Variants in ZNF823 observed in about 807,000 individuals in gnomAD.
ZNF823 encodes the protein zinc finger protein 823, also known as ZFP 36 for a zinc finger protein.
Under a neutral mutation model 11.4 loss-of-function variants are expected in ZNF823, and 5 were observed. The observed-to-expected ratio is 0.44, with a 90% CI of 0.23 to 0.92. The LOEUF (loss-of-function observed/expected upper bound fraction) is 0.92, where lower values mean the gene tolerates loss of function less well. Ranked by LOEUF, ZNF823 falls within the 40% of genes least tolerant of loss-of-function variation. The probability of loss-of-function intolerance (pLI) is 0.24; values close to 1 mark genes in which losing one functional copy is unlikely to be tolerated. For missense variants in ZNF823, 582 were observed against 738.5 expected (o/e 0.79, Z 2.46); for synonymous variants, 234 against 250.5 (o/e 0.93, Z 0.62).
chr19:11,737,404 C>T (rs1157944698), intron 1 of ZNF823, among the ~76,000 whole-genome samples: 1 of 152,162 alleles, frequency 6.6e-6, no homozygotes, highest in African/African-American at 2.4e-5. Context: ...GCTGGGATTA[C>T]AGGCATGAGC....
chr19:11,721,736 T>A lies in ZNF823; in HGVS notation c.1798A>T (p.Arg600Ter), dbSNP rs771033426. 5.0e-6 allele frequency: 8 copies of A among 1,613,568 alleles called. No homozygotes were observed. Among genetic ancestry groups the A allele is most frequent in the Non-Finnish European group, 6.8e-6 (8 of 1,179,636 alleles). The change falls in exon 4 of 4, where the codon AGA becomes TGA. Residue 600 changes from arginine to a stop codon, truncating the protein, a stop_gained. Coordinates refer to ENST00000341191, the MANE Select transcript of ZNF823 (RefSeq NM_001080493.4). LOFTEE classifies it low-confidence loss of function (END_TRUNC). ...KALSSLRSLH[R>*]HKRTHWKDTL ...TCTTTCCAGTGAGTCCTTTTATGTC[T>A]ATGCAAGGAACGGAGAGAACTCAAT... is the stretch of plus-strand genomic sequence containing the variant.
rs764723908 is a variant in ZNF823, at chr19:11,723,227, A to G, written c.307T>C (p.Cys103Arg). Residue 103 changes from cysteine (C) to arginine (R), a missense_variant, in exon 4 of 4, where the codon TGT becomes CGT. Around this residue, in one of 3 missense-constraint regions of ZNF823, gnomAD observed 429 missense variants for 553.7 expected, o/e 0.77. Coordinates refer to ENST00000341191, the MANE Select transcript of ZNF823 (RefSeq NM_001080493.4). ...GAATGACCCAAGACGACTTCTCCAC[A>G]CTCACCACTGTCACATGGATTTACT... is the stretch of plus-strand genomic sequence containing the variant. The part of the protein sequence containing the change: ...PRVNPCDSGE[C>R]GEVVLGHSSL... 1 of 1,613,940 alleles carries G rather than the reference A, an allele frequency of 6.2e-7. No individual in the cohort carries two copies. Among genetic ancestry groups the G allele is most frequent in the Admixed American group, 1.7e-5 (1 of 60,006 alleles).
rs1568464563 is a variant in ZNF823, at chr19:11,721,611, C to T, written c.*90G>A. 7.8e-7 allele frequency: 1 copy of T among 1,287,406 alleles called. No individual in the cohort carries two copies. The highest frequency in any genetic ancestry group is 1.1e-6 in the Non-Finnish European group (1 of 937,810). The allele number at this position is 1,287,406 out of a possible 1,614,324, so 79.7% of individuals were successfully genotyped here. On this transcript the variant is annotated 3_prime_UTR_variant, in exon 4 of 4. Transcript: ENST00000341191. ...ATTGAAACTACTTAAGGCTTTATCC[C>T]ATGTTTACATTCATAGGGTCTATCT...
intron 1 of ZNF823, among the ~76,000 whole-genome samples, chr19:11,731,179 G>T (rs896469543): frequency 2.6e-5 from 4 of 151,926 alleles, no homozygotes; most frequent in Non-Finnish European, 4.4e-5. Flanking sequence ...AGGCGTGGTG[G>T]TGCATGCCTG....
intron 1 of ZNF823, among the ~76,000 whole-genome samples, chr19:11,735,714 CCCTTACATG>C (rs1269551641): frequency 6.6e-6 from 1 of 151,980 alleles, no homozygotes; most frequent in Non-Finnish European, 1.5e-5. Context: ...TACTCACTTA[CCCTTACATG>C]CCTTACATGG....
chr19:11,736,593 A>G (rs1303188527), intron 1 of ZNF823, among the ~76,000 whole-genome samples: 1 of 152,242 alleles, frequency 6.6e-6, no homozygotes, highest in Non-Finnish European at 1.5e-5. Flanking sequence ...CTGAAACCCA[A>G]CTTGTTCTTG....
At chr19:11,728,622 A>C (rs1974838659) in intron 1 of ZNF823, among the ~76,000 whole-genome samples, 1 of 152,210 alleles carries the variant, frequency 6.6e-6, no homozygotes, top group Admixed American at 6.5e-5. Flanking sequence ...GGTATACTAC[A>C]AACTATAGGG....
At chr19:11,732,798 G>A (rs1017973004) in intron 1 of ZNF823, among the ~76,000 whole-genome samples, 2 of 152,266 alleles carry the variant, frequency 1.3e-5, no homozygotes, top group African/African-American at 4.8e-5. Context: ...AAGCTGTCCC[G>A]ATGTCTTTGT....
intron 1 of ZNF823, 122 bp from the exon 2 acceptor site, chr19:11,725,449 A>G: frequency 1.5e-6 from 2 of 1,375,096 alleles, no homozygotes; most frequent in Non-Finnish European, 2.0e-6. Context: ...GACATAGTAA[A>G]CCCACTCTTA....
chr19:11,737,600 G>T, intron 1 of ZNF823, among the ~76,000 whole-genome samples: 1 of 142,552 alleles, frequency 7.0e-6, no homozygotes, highest in Non-Finnish European at 1.5e-5. Flanking sequence ...GGAGTCAAGT[G>T]GTTATTCTTT....
intron 1 of ZNF823, among the ~76,000 whole-genome samples, chr19:11,725,800 T>C (rs1974778810): frequency 6.6e-6 from 1 of 152,156 alleles, no homozygotes. Context: ...AAACTGTTTA[T>C]GCAAAATATA....
chr19:11,732,316 C>T (rs1974913279), intron 1 of ZNF823, among the ~76,000 whole-genome samples: 1 of 152,152 alleles, frequency 6.6e-6, no homozygotes, highest in Admixed American at 6.5e-5. Flanking sequence ...AGGCAACTGC[C>T]ACCACGCCCA....
Position 11,721,864 on chromosome 19 carries a change from C to T in ZNF823, c.1670G>A (p.Cys557Tyr), listed in dbSNP as rs1974685978. The change falls in exon 4 of 4, where the codon TGT becomes TAT. Residue 557 changes from cysteine to tyrosine, a missense_variant. Around this residue, in one of 3 missense-constraint regions of ZNF823, gnomAD observed 144 missense variants for 154.3 expected, o/e 0.93. Coordinates refer to ENST00000341191, the MANE Select transcript of ZNF823 (RefSeq NM_001080493.4). ...RIHTGEKPYE[C>Y]LQCGKAFTRS... Reference sequence around the variant, plus strand: ...AGTGAAGGCTTTACCACATTGTAGACATTCATAGGGTTTCTCTCCAGTGTG... The same window carrying T: ...AGTGAAGGCTTTACCACATTGTAGATATTCATAGGGTTTCTCTCCAGTGTG... The T allele has an allele frequency of 6.2e-7, 1 of 1,613,712 alleles. No homozygotes were observed. The highest frequency in any genetic ancestry group is 1.7e-5 in the Admixed American group (1 of 59,970).
chr19:11,728,524 G>A (rs1350987650), intron 1 of ZNF823, among the ~76,000 whole-genome samples: 1 of 152,118 alleles, frequency 6.6e-6, no homozygotes, highest in Non-Finnish European at 1.5e-5. Flanking sequence ...GGGATGGGAG[G>A]ATGGAATTTG....
At chr19:11,737,844 T>C (rs1337215906) in intron 1 of ZNF823, among the ~76,000 whole-genome samples, 5 of 152,074 alleles carry the variant, frequency 3.3e-5, no homozygotes, top group Admixed American at 6.6e-5. Flanking sequence ...GATGAGGGGA[T>C]AGGGTGGTGG....
rs773804721 is a variant in ZNF823 at position 11,722,408 on chromosome 19, G to A, written c.1126C>T (p.Arg376Ter). Reference sequence around the variant, plus strand: ...CCTGTGTGTGTTATCATGTGACTTCGAAAGCTCGAGCTATGAGATAACACT... The same window carrying A: ...CCTGTGTGTGTTATCATGTGACTTCAAAAGCTCGAGCTATGAGATAACACT... ...GKVLSHSSSF[R>*]SHMITHTGDG... The change falls in exon 4 of 4, where the codon CGA (arginine) becomes TGA (stop). Residue 376 changes from arginine (R) to a stop codon, truncating the protein, a stop_gained. Coordinates refer to ENST00000341191, the MANE Select transcript of ZNF823 (RefSeq NM_001080493.4). LOFTEE classifies it low-confidence loss of function (END_TRUNC). The surrounding 1 kb of genome is among the most constrained non-coding windows in gnomAD (Gnocchi z 5.2). The A allele has an allele frequency of 1.9e-5, 31 of 1,613,844 alleles. No homozygotes were observed. The highest frequency in any genetic ancestry group is 2.7e-5 in the African/African-American group (2 of 74,924).
chr19:11,737,018 C>G (rs952733928), intron 1 of ZNF823, among the ~76,000 whole-genome samples: 1 of 152,174 alleles, frequency 6.6e-6, no homozygotes, highest in Non-Finnish European at 1.5e-5. Context: ...GTCCCACCCC[C>G]CACCTCTGGC....
At chr19:11,729,165 ACT>A (rs973956225) in intron 1 of ZNF823, among the ~76,000 whole-genome samples, 5 of 139,442 alleles carry the variant, frequency 3.6e-5, no homozygotes, top group African/African-American at 1.4e-4. Context: ...ACAGAGCAAG[ACT>A]CTGTCTCAAA....
chr19:11,723,475 C>T, intron 3 of ZNF823, 133 bp from the exon 4 acceptor site: 1 of 772,898 alleles, frequency 1.3e-6, no homozygotes, highest in Non-Finnish European at 2.0e-6. Context: ...TGTGAAGTGA[C>T]AGTGCTGTGT....
Sources: allele counts gnomAD v4.1 joint callset (sites outside exome capture counted in the v4.1 genomes callset), GRCh38; gene constraint gnomAD v4.1.1; regional missense constraint gnomAD v4.1.1; non-coding constraint Gnocchi (gnomAD v3.1); transcripts MANE v1.5; gene names NCBI Gene and HGNC (gene_info 2026-07-23, HGNC 2026-07-21).